CD226: variants seen among roughly 807,000 people sequenced by gnomAD.
CD226 encodes the protein CD226 antigen.
CD226 carries 24 observed loss-of-function variants against 34.9 expected under a neutral mutation model. The observed-to-expected ratio is 0.69, with a 90% confidence interval of 0.50 to 0.97. The LOEUF (loss-of-function observed/expected upper bound fraction) is 0.97, where lower values mean the gene tolerates loss of function less well. CD226 is among the 50% of genes least tolerant of loss of function. The pLI, the probability that CD226 is intolerant of heterozygous loss-of-function variation, is 0.00. For synonymous variants in CD226, 148 were observed against 147.4 expected (o/e 1.00, Z -0.03); for missense variants, 397 against 412.7 (o/e 0.96, Z 0.33).
chr18:69,860,201 CTA>C lies in CD226; in HGVS notation c.*4111_*4112del, dbSNP rs1982742995. 6.6e-6 allele frequency: 1 copy of C among 152,158 alleles called. No individual in the cohort carries two copies. The highest frequency in any genetic ancestry group is 2.4e-5 in the African/African-American group (1 of 41,440). The allele number at this position is 152,158 out of a possible 1,614,324, so 9.4% of individuals were successfully genotyped here. The stretch of plus-strand genomic sequence containing the variant: ...TTTATTCTGTAGAAATTTTTCCCTG[CTA>C]TTTCTCCATGGCAAATGAAAGTAGT... On this transcript the variant is annotated 3_prime_UTR_variant, in exon 6 of 6. Transcript: ENST00000582621.
At chr18:69,958,550 G>A (rs1275684669), upstream of CD226, among the ~76,000 whole-genome samples, 1 of 152,086 alleles carries the variant, frequency 6.6e-6, no homozygotes, top group Non-Finnish European at 1.5e-5. Flanking sequence ...TATTCAGTGG[G>A]CCCTGAAGTG....
chr18:69,934,663 C>T (rs1470670739), intron 2 of CD226, among the ~76,000 whole-genome samples: 1 of 152,036 alleles, frequency 6.6e-6, no homozygotes, highest in Non-Finnish European at 1.5e-5. Context: ...AGGCAGATTA[C>T]AAAGAAGATT....
rs2055802638 is a variant in CD226, at chr18:69,947,042, G to A, written c.74C>T (p.Thr25Ile). The part of the protein sequence containing the change: ...RALCEEVLWH[T>I]SVPFAENMSL... ...CATGTTCTCGGCAAAGGGAACTGAT[G>A]TATGCCAAAGCACCTCTTCACATAG... The change falls in exon 2 of 6, where the codon ACA becomes ATA. Residue 25 changes from threonine (T) to isoleucine (I), a missense_variant. By Grantham distance (89) the Thr-to-Ile change is moderately conservative. Transcript: ENST00000582621. 2 of 1,613,862 alleles carry A rather than the reference G, an allele frequency of 1.2e-6. No homozygotes were observed. Among genetic ancestry groups the A allele is most frequent in the African/African-American group, 2.7e-5 (2 of 74,898 alleles).
intron 3 of CD226, among the ~76,000 whole-genome samples, chr18:69,882,450 C>T (rs1618254): frequency 0.97 from 147,143 of 152,284 alleles, 71,312 homozygotes; most frequent in East Asian, 1. Flanking sequence ...ATAAGTTCTC[C>T]ACAGTGATTG....
At chr18:69,930,397 T>C (rs992498181) in intron 2 of CD226, among the ~76,000 whole-genome samples, 3 of 152,116 alleles carry the variant, frequency 2.0e-5, no homozygotes, top group African/African-American at 7.2e-5. Context: ...GCAAATGTAT[T>C]TGTGAAAGGA....
At chr18:69,910,310 T>C (rs574240135) in intron 2 of CD226, among the ~76,000 whole-genome samples, 4 of 152,228 alleles carry the variant, frequency 2.6e-5, no homozygotes, top group Non-Finnish European at 5.9e-5. Context: ...AACCACATGA[T>C]GGAGACCAAC....
At position 69,853,545 on chromosome 18, in the gene CD226, GAATT is replaced by G. The variant is rs1422465992; in HGVS notation, c.*10765_*10768del. ...CTTTTGTGCAACTAAACCTTAAAAT[GAATT>G]AATATTGAACACATATGATGAGTGA... On this transcript the variant is annotated 3_prime_UTR_variant, in exon 6 of 6. Coordinates refer to ENST00000582621, the MANE Select transcript of CD226 (RefSeq NM_001303618.2). 1.3e-5 allele frequency: 2 copies of G among 152,098 alleles called. No individual in the cohort carries two copies. The highest frequency in any genetic ancestry group is 2.9e-5 in the Non-Finnish European group (2 of 68,026). The allele number at this position is 152,098 out of a possible 1,614,324, so 9.4% of individuals were successfully genotyped here.
At chr18:69,900,917 A>G (rs2055174069) in intron 2 of CD226, among the ~76,000 whole-genome samples, 1 of 152,186 alleles carries the variant, frequency 6.6e-6, no homozygotes, top group Admixed American at 6.5e-5. Context: ...AGTATTAGTC[A>G]TGCCTAAACG....
At position 69,860,409 on chromosome 18, in the gene CD226, T is replaced by A. The variant is rs1982753094; in HGVS notation, c.*3905A>T. On this transcript the variant is annotated 3_prime_UTR_variant, in exon 6 of 6. Coordinates refer to ENST00000582621, the MANE Select transcript of CD226 (RefSeq NM_001303618.2). ...GATAATACGAAATAAACCAGAATTA[T>A]CCCAGACATTTATTACTCATACTTC... 2 of 152,200 alleles carry A rather than the reference T, an allele frequency of 1.3e-5. No homozygotes were observed. The highest frequency in any genetic ancestry group is 1.3e-4 in the Admixed American group (2 of 15,284). The allele number at this position is 152,200 out of a possible 1,614,324, so 9.4% of individuals were successfully genotyped here.
chr18:69,935,917 T>C (rs1410116054), intron 2 of CD226, among the ~76,000 whole-genome samples: 1 of 152,216 alleles, frequency 6.6e-6, no homozygotes, highest in Non-Finnish European at 1.5e-5. Flanking sequence ...CACACAAAGA[T>C]GGCAGCCAAT....
intron 2 of CD226, among the ~76,000 whole-genome samples, chr18:69,927,009 C>G (rs2055529881): frequency 6.6e-6 from 1 of 152,108 alleles, no homozygotes. Flanking sequence ...AAGCTCACTG[C>G]TATGATCTGA....
intron 3 of CD226, among the ~76,000 whole-genome samples, chr18:69,875,607 C>G (rs1387349500): frequency 6.6e-6 from 1 of 152,160 alleles, no homozygotes; most frequent in Non-Finnish European, 1.5e-5. Flanking sequence ...TGAGAGCTCA[C>G]TGGGGTTTTG....
At chr18:69,959,019 C>T (rs2055917351), upstream of CD226, among the ~76,000 whole-genome samples, 1 of 152,080 alleles carries the variant, frequency 6.6e-6, no homozygotes, top group Non-Finnish European at 1.5e-5. Flanking sequence ...TACAAAGAAC[C>T]CAAGACTTAG....
chr18:69,942,032 G>A (rs2055731228), intron 2 of CD226, among the ~76,000 whole-genome samples: 1 of 152,032 alleles, frequency 6.6e-6, no homozygotes, highest in Non-Finnish European at 1.5e-5. Flanking sequence ...ACCTCACTCT[G>A]CACTTCTCCT....
chr18:69,958,895 T>C (rs1232075355), upstream of CD226, among the ~76,000 whole-genome samples: 1 of 152,158 alleles, frequency 6.6e-6, no homozygotes, highest in Non-Finnish European at 1.5e-5. Flanking sequence ...TATTTAGCTA[T>C]TGCTATTTTT....
upstream of CD226, among the ~76,000 whole-genome samples, chr18:69,950,066 TCACA>T (rs1163686418): frequency 3.3e-5 from 5 of 150,582 alleles, no homozygotes; most frequent in Non-Finnish European, 5.9e-5. Context: ...ATACATGCAC[TCACA>T]CACATGCACA....
chr18:69,940,414 G>A lies in CD226; in HGVS notation c.382+6320C>T, dbSNP rs112164205. On this transcript the variant is annotated intron_variant, in intron 2 of 5. Coordinates refer to ENST00000582621, the MANE Select transcript of CD226 (RefSeq NM_001303618.2). The stretch of plus-strand genomic sequence containing the variant: ...AGGTAGAGGTTGGAACAGTTTTGAG[G>A]GCTCAGAAGAAGACAGGAAAATGTG... Among the ~76,000 whole-genome samples the A allele has an allele frequency of 6.8e-3, 1,031 of 152,348 alleles. 4 individuals carry two copies. Among genetic ancestry groups the A allele is most frequent in the Middle Eastern group, 0.01 (3 of 294 alleles).
chr18:69,957,487 G>A (rs977377547), upstream of CD226, among the ~76,000 whole-genome samples: 6 of 152,196 alleles, frequency 3.9e-5, no homozygotes, highest in South Asian at 2.1e-4. Context: ...CCATGGCAAC[G>A]TTAGTTTTAT....
rs1476104877 is a variant in CD226 at position 69,863,048 on chromosome 18, C to CT, written c.*1265dup. Reference sequence around the variant, plus strand: ...ATTTAAACAATATTAGGTATGGTCTCTAATTGCTTTGACTGTTGGTGATGT... The same window carrying CT: ...ATTTAAACAATATTAGGTATGGTCTCTTAATTGCTTTGACTGTTGGTGATGT... On this transcript the variant is annotated 3_prime_UTR_variant, in exon 6 of 6. Transcript: ENST00000582621. 6.6e-6 allele frequency: 1 copy of CT among 152,158 alleles called. No homozygotes were observed. Among genetic ancestry groups the CT allele is most frequent in the African/African-American group, 2.4e-5 (1 of 41,446 alleles). 9.4% of individuals were successfully genotyped at this position (152,158 alleles called of 1,614,324 possible).
Sources: gnomAD v4.1 joint callset for allele counts (sites outside exome capture counted in the v4.1 genomes callset) on GRCh38, gnomAD v4.1.1 for gene constraint, MANE v1.5 for transcripts, NCBI Gene and HGNC (gene_info 2026-07-23, HGNC 2026-07-21) for gene names.